The following CBFA2T2 variants were observed in gnomAD, a reference collection of about 807,000 sequenced individuals.
CBFA2T2 encodes the protein protein CBFA2T2.
CBFA2T2 carries 11 observed loss-of-function variants against 62.2 expected under a neutral mutation model. The observed-to-expected ratio is 0.18, with a 90% CI of 0.11 to 0.29. The LOEUF is 0.29. Among genes scored for constraint, CBFA2T2 ranks in the 10% least tolerant of loss-of-function variants. CBFA2T2 has a pLI of 1.00. For synonymous variants in CBFA2T2, 295 were observed against 287.5 expected (o/e 1.03, Z -0.27); for missense variants, 592 against 774.1 (o/e 0.76, Z 2.79).
In CBFA2T2 at chr20:33,644,533, G is replaced by T; in HGVS notation, c.1675G>T (p.Ala559Ser). 1 of 1,613,970 alleles carries T rather than the reference G, an allele frequency of 6.2e-7. No individual in the cohort carries two copies. Among genetic ancestry groups the T allele is most frequent in the Non-Finnish European group, 8.5e-7 (1 of 1,179,992 alleles). Residue 559 changes from alanine to serine, a missense_variant, in exon 11 of 11, where the codon GCC (alanine) becomes TCC (serine). By Grantham distance (99) the Ala-to-Ser change is moderately conservative. This residue lies in a region of CBFA2T2 where 85 missense variants were observed against 99.0 expected (regional missense o/e 0.86). Coordinates refer to ENST00000342704, the MANE Select transcript of CBFA2T2 (RefSeq NM_001032999.3). ...PLLPVGRGSS[A>S]RSADCSVPSP... ...GCTTCCTGTAGGCAGGGGCTCCTCT[G>T]CCAGGTCCGCCGACTGCAGCGTGCC...
chr20:33,636,828 A>G, intron 9 of CBFA2T2, 120 bp downstream of exon 9: 1 of 700,142 alleles, frequency 1.4e-6, no homozygotes, highest in Non-Finnish European at 2.5e-6. Context: ...TGCTCCTCAT[A>G]GAGCTCTAGG....
chr20:33,625,416 A>C (rs1309517180), intron 6 of CBFA2T2, among the ~76,000 whole-genome samples: 1 of 151,964 alleles, frequency 6.6e-6, no homozygotes, highest in African/African-American at 2.4e-5. Flanking sequence ...GAGTCCAGGA[A>C]GTCAAAACTA....
At chr20:33,536,036 C>T (rs2012211576) in intron 1 of CBFA2T2, among the ~76,000 whole-genome samples, 1 of 152,340 alleles carries the variant, frequency 6.6e-6, no homozygotes, top group Middle Eastern at 3.4e-3. Flanking sequence ...TTTCTTGGTA[C>T]AGAACAAAAT....
chr20:33,524,635 A>T (rs143216767), intron 1 of CBFA2T2, among the ~76,000 whole-genome samples: 3 of 152,230 alleles, frequency 2.0e-5, no homozygotes, highest in Non-Finnish European at 2.9e-5. Context: ...ACTTAAATAC[A>T]TAAGAAGACA....
intron 1 of CBFA2T2, among the ~76,000 whole-genome samples, chr20:33,517,569 C>T (rs1470290090): frequency 6.6e-6 from 1 of 151,612 alleles, no homozygotes; most frequent in African/African-American, 2.4e-5. Flanking sequence ...TGTGCCTCAG[C>T]CTCTTGAGTA....
At chr20:33,586,522 A>G (rs1008393607) in intron 1 of CBFA2T2, among the ~76,000 whole-genome samples, 4 of 152,128 alleles carry the variant, frequency 2.6e-5, no homozygotes, top group South Asian at 2.1e-4. Flanking sequence ...ATCTCATTCT[A>G]TCTTTCTCTG....
chr20:33,543,735 C>G (rs1032120742), intron 1 of CBFA2T2, among the ~76,000 whole-genome samples: 1 of 152,090 alleles, frequency 6.6e-6, no homozygotes, highest in Non-Finnish European at 1.5e-5. Context: ...CTGCTTTGTG[C>G]AGCATTTGGA....
intron 1 of CBFA2T2, chr20:33,573,919 T>C (rs2013691977): frequency 3.1e-6 from 1 of 318,674 alleles, no homozygotes; most frequent in Non-Finnish European, 5.9e-6. Context: ...TAGCTAGGAC[T>C]AGAGGCATTT....
intron 1 of CBFA2T2, among the ~76,000 whole-genome samples, chr20:33,539,940 G>A (rs903072087): frequency 2.6e-5 from 4 of 151,952 alleles, no homozygotes; most frequent in African/African-American, 9.7e-5. Flanking sequence ...TCAAGTGCTG[G>A]GATTATTGGT....
chr20:33,584,895 A>G (rs753807148), intron 1 of CBFA2T2, among the ~76,000 whole-genome samples: 28 of 152,262 alleles, frequency 1.8e-4, no homozygotes, highest in Non-Finnish European at 3.1e-4. Flanking sequence ...TGACAGGGTA[A>G]CTTAGATGCC....
intron 1 of CBFA2T2, among the ~76,000 whole-genome samples, chr20:33,562,112 G>T (rs1207114537): frequency 6.6e-6 from 1 of 152,136 alleles, no homozygotes; most frequent in Non-Finnish European, 1.5e-5. Context: ...CTAAACATTT[G>T]AATGTTCCCA....
chr20:33,628,758 C>T (rs923473491), intron 7 of CBFA2T2, among the ~76,000 whole-genome samples: 4 of 152,162 alleles, frequency 2.6e-5, no homozygotes, highest in South Asian at 2.1e-4. Flanking sequence ...TGTGAGCCAC[C>T]GCACTCAGCC....
intron 1 of CBFA2T2, among the ~76,000 whole-genome samples, chr20:33,509,752 G>A (rs1271564922): frequency 6.6e-6 from 1 of 152,016 alleles, no homozygotes; most frequent in Admixed American, 6.6e-5. Flanking sequence ...TCTCTTGAAC[G>A]TGGGAGGCGG....
intron 1 of CBFA2T2, among the ~76,000 whole-genome samples, chr20:33,575,404 G>C (rs2013774066): frequency 6.6e-6 from 1 of 152,166 alleles, no homozygotes; most frequent in Non-Finnish European, 1.5e-5. Context: ...TACATAGAAA[G>C]TATTAAGTTC....
chr20:33,610,316 A>C (rs2015478304), intron 2 of CBFA2T2, among the ~76,000 whole-genome samples: 1 of 152,222 alleles, frequency 6.6e-6, no homozygotes, highest in Non-Finnish European at 1.5e-5. Context: ...TCAAAAAAAC[A>C]AACAAGCAAA....
intron 1 of CBFA2T2, among the ~76,000 whole-genome samples, chr20:33,529,745 A>T (rs6059371): frequency 0.6 from 611 of 1,012 alleles, 133 homozygotes; most frequent in Non-Finnish European, 0.76. Context: ...GAAAGCAGTT[A>T]TATATATATA....
At chr20:33,597,972 C>T (rs1274791232) in intron 1 of CBFA2T2, among the ~76,000 whole-genome samples, 1 of 152,020 alleles carries the variant, frequency 6.6e-6, no homozygotes, top group African/African-American at 2.4e-5. Flanking sequence ...CATCATATGT[C>T]GGTAGGTTCC....
At chr20:33,504,389 A>C (rs190722390) in intron 1 of CBFA2T2, among the ~76,000 whole-genome samples, 97 of 149,620 alleles carry the variant, frequency 6.5e-4, no homozygotes, top group African/African-American at 2.2e-3. Context: ...GTTCTATGAT[A>C]ATTTCATATT....
At chr20:33,607,669 T>A (rs1318843523) in intron 2 of CBFA2T2, among the ~76,000 whole-genome samples, 1 of 152,192 alleles carries the variant, frequency 6.6e-6, no homozygotes, top group Non-Finnish European at 1.5e-5. Context: ...CACATGGTCT[T>A]TCCTCCATTT....
Sources: allele counts gnomAD v4.1 joint callset (sites outside exome capture counted in the v4.1 genomes callset), GRCh38; gene constraint gnomAD v4.1.1; regional missense constraint gnomAD v4.1.1; transcripts MANE v1.5; gene names NCBI Gene and HGNC (gene_info 2026-07-23, HGNC 2026-07-21).